The following ZCCHC7 variants were observed in gnomAD, a reference collection of about 807,000 sequenced individuals.
ZCCHC7 encodes zinc finger CCHC-type containing 7.
In ZCCHC7, 35 loss-of-function variants were observed where a neutral mutation model predicts 52.0. That is an observed-to-expected ratio of 0.67 (90% CI 0.51 to 0.89). ZCCHC7 has a LOEUF of 0.89. Among genes scored for constraint, ZCCHC7 ranks in the 40% least tolerant of loss-of-function variants. The pLI is 0.00. For missense variants in ZCCHC7, 574 were observed against 649.1 expected, an observed-to-expected ratio of 0.88 and a Z score of 1.26; for synonymous variants, 217 against 221.5, an observed-to-expected ratio of 0.98 and a Z score of 0.18.
chr9:37,355,722 A>T (rs1478431828), intron 8 of ZCCHC7, among the ~76,000 whole-genome samples: 1 of 152,200 alleles, frequency 6.6e-6, no homozygotes, highest in African/African-American at 2.4e-5. Flanking sequence ...AGCCGTTCGT[A>T]TACACAAGTT....
chr9:37,212,026 C>CAAAAAAA lies in ZCCHC7; in HGVS notation c.610+85117_610+85123dup, dbSNP rs574190937. ...TGGGTGACAGAGCGAGACTCCGTCT[C>CAAAAAAA]AAAAAAAAAAAAAAAAAAAAAAAAA... On this transcript the variant is annotated intron_variant, in intron 2 of 8. Coordinates refer to ENST00000336755, the MANE Select transcript of ZCCHC7 (RefSeq NM_032226.3). Among the ~76,000 whole-genome samples, 237 of 55,410 alleles carry CAAAAAAA rather than the reference C, an allele frequency of 4.3e-3. 18 individuals are homozygous for CAAAAAAA. Among genetic ancestry groups the CAAAAAAA allele is most frequent in the Middle Eastern group, 0.012 (1 of 86 alleles). 36.4% of individuals were successfully genotyped at this position (55,410 alleles called of 152,430 possible). A position where few individuals can be genotyped will look rare whatever the true frequency, so the allele number is the denominator to read the frequency against.
chr9:37,348,039 T>C (rs939771429), intron 6 of ZCCHC7, among the ~76,000 whole-genome samples: 3 of 152,174 alleles, frequency 2.0e-5, no homozygotes, highest in Admixed American at 1.3e-4. Context: ...CAGCCACTCT[T>C]ACACTGTCCA....
chr9:37,221,015 C>T (rs1160993328), intron 2 of ZCCHC7, among the ~76,000 whole-genome samples: 4 of 152,160 alleles, frequency 2.6e-5, no homozygotes, highest in African/African-American at 9.7e-5. Context: ...TAAATAACCT[C>T]CATGTGTAAA....
chr9:37,124,417 C>G (rs921754457), intron 1 of ZCCHC7, among the ~76,000 whole-genome samples: 1 of 151,300 alleles, frequency 6.6e-6, no homozygotes, highest in East Asian at 1.9e-4. Flanking sequence ...AACAAATGCC[C>G]GATGGTGTAG....
chr9:37,352,743 T>G (rs1273136153), intron 7 of ZCCHC7, among the ~76,000 whole-genome samples: 1 of 151,340 alleles, frequency 6.6e-6, no homozygotes, highest in Non-Finnish European at 1.5e-5. Flanking sequence ...CCATCTGTTC[T>G]CGAACTCCTG....
chr9:37,261,207 A>AT (rs577725912), intron 2 of ZCCHC7, among the ~76,000 whole-genome samples: 3 of 152,018 alleles, frequency 2.0e-5, no homozygotes, highest in African/African-American at 7.2e-5. Context: ...CTCATTTGTC[A>AT]TTTTTTTCTT....
At chr9:37,182,758 A>G (rs1822437263) in intron 2 of ZCCHC7, among the ~76,000 whole-genome samples, 1 of 152,214 alleles carries the variant, frequency 6.6e-6, no homozygotes, top group Admixed American at 6.5e-5. Flanking sequence ...AGGTTTCAGT[A>G]TATTCATTTT....
At chr9:37,337,211 G>T (rs529536715) in intron 6 of ZCCHC7, among the ~76,000 whole-genome samples, 1 of 152,098 alleles carries the variant, frequency 6.6e-6, no homozygotes, top group South Asian at 2.1e-4. Context: ...GCACTAAAGA[G>T]TTTATCTGGC....
At chr9:37,166,553 A>C (rs1158512133) in intron 2 of ZCCHC7, among the ~76,000 whole-genome samples, 3 of 151,608 alleles carry the variant, frequency 2.0e-5, no homozygotes, top group Non-Finnish European at 4.4e-5. Flanking sequence ...TTAACTTTTT[A>C]AACTTTTTTT....
chr9:37,207,999 C>T (rs943333630), intron 2 of ZCCHC7, among the ~76,000 whole-genome samples: 2 of 151,936 alleles, frequency 1.3e-5, no homozygotes, highest in African/African-American at 4.8e-5. Context: ...GTACTCTGGC[C>T]CTCCTTTCTG....
chr9:37,158,751 G>T (rs959733996), intron 2 of ZCCHC7, among the ~76,000 whole-genome samples: 1 of 152,044 alleles, frequency 6.6e-6, no homozygotes, highest in Non-Finnish European at 1.5e-5. Flanking sequence ...ATCAGTAGAA[G>T]AATTATTTTG....
intron 2 of ZCCHC7, among the ~76,000 whole-genome samples, chr9:37,255,146 A>G (rs957155819): frequency 2.0e-4 from 30 of 152,050 alleles, no homozygotes; most frequent in African/African-American, 7.2e-4. Context: ...AGTTTAAATT[A>G]TAAATTAGGC....
chr9:37,182,806 A>G (rs1419435352), intron 2 of ZCCHC7, among the ~76,000 whole-genome samples: 1 of 152,222 alleles, frequency 6.6e-6, no homozygotes, highest in African/African-American at 2.4e-5. Flanking sequence ...TACATGGTGG[A>G]TACATTGTTA....
chr9:37,128,359 A>G (rs1421582732), intron 2 of ZCCHC7, among the ~76,000 whole-genome samples: 1 of 152,182 alleles, frequency 6.6e-6, no homozygotes, highest in African/African-American at 2.4e-5. Context: ...ATGAAAGCAG[A>G]AGTGGGAGAG....
chr9:37,207,754 G>A (rs1396694649), intron 2 of ZCCHC7, among the ~76,000 whole-genome samples: 1 of 151,706 alleles, frequency 6.6e-6, no homozygotes, highest in East Asian at 1.9e-4. Context: ...CCCATTCAGT[G>A]ATTTTTAAAA....
At chr9:37,193,281 C>G (rs1823112894) in intron 2 of ZCCHC7, among the ~76,000 whole-genome samples, 1 of 152,070 alleles carries the variant, frequency 6.6e-6, no homozygotes, top group Non-Finnish European at 1.5e-5. Flanking sequence ...AGGGTGGCTT[C>G]AGAAGGGTAT....
chr9:37,287,963 G>T (rs1828334183), intron 2 of ZCCHC7, among the ~76,000 whole-genome samples: 3 of 151,922 alleles, frequency 2.0e-5, no homozygotes, highest in African/African-American at 7.3e-5. Flanking sequence ...TAACCATTTG[G>T]ACTTAAAGAC....
rs116153704 is a variant in ZCCHC7 at position 37,218,108 on chromosome 9, C to T, written c.611-84080C>T. Among the ~76,000 whole-genome samples the T allele has an allele frequency of 2.7e-3, 417 of 152,164 alleles. 2 individuals carry two copies. The highest frequency in any genetic ancestry group is 9.3e-3 in the African/African-American group (388 of 41,534). On this transcript the variant is annotated intron_variant, in intron 2 of 8. Coordinates refer to ENST00000336755, the MANE Select transcript of ZCCHC7 (RefSeq NM_032226.3). Reference sequence around the variant, plus strand: ...AGACAAATTTAGGGCCATTAAATTCCTAATTATGGTTTCATAACAAGGATC... The same window carrying T: ...AGACAAATTTAGGGCCATTAAATTCTTAATTATGGTTTCATAACAAGGATC...
chr9:37,316,016 CAA>C (rs767867946), intron 5 of ZCCHC7, among the ~76,000 whole-genome samples: 8 of 131,890 alleles, frequency 6.1e-5, no homozygotes, highest in Non-Finnish European at 8.3e-5. Flanking sequence ...TCCTCAGTCT[CAA>C]AAAAAAAAAA....
Sources: allele counts gnomAD v4.1 joint callset (sites outside exome capture counted in the v4.1 genomes callset), GRCh38; gene constraint gnomAD v4.1.1; transcripts MANE v1.5; gene names NCBI Gene and HGNC (gene_info 2026-07-23, HGNC 2026-07-21).